PANX3: variants seen among roughly 807,000 people sequenced by gnomAD.
The protein encoded by PANX3 is pannexin 3.
A neutral mutation model predicts 31.5 loss-of-function variants in PANX3; 18 were observed. The ratio of observed to expected loss-of-function variants is 0.57; its 90% CI spans 0.39 to 0.85. The LOEUF (loss-of-function observed/expected upper bound fraction) is 0.85, where lower values mean the gene tolerates loss of function less well. Among genes scored for constraint, PANX3 ranks in the 40% least tolerant of loss-of-function variants. PANX3 has a pLI of 0.00. For missense variants in PANX3, 426 were observed against 485.4 expected, an observed-to-expected ratio of 0.88 and a Z score of 1.15; for synonymous variants, 194 against 201.6, an observed-to-expected ratio of 0.96 and a Z score of 0.32.
chr11:124,619,375 G>A lies in PANX3; in HGVS notation c.619G>A (p.Ala207Thr). ...TAAGCAGCGTTCACATTCGCTAGTG[G>A]CTACCTACCTCCTGAGGAACTCCCT... Reference protein sequence around the residue: ...ACKQRSHSLVATYLLRNSLLL... With the variant: ...ACKQRSHSLVTTYLLRNSLLL... The change falls in exon 4 of 4, where the codon GCT becomes ACT. Residue 207 changes from alanine to threonine, a missense_variant. Coordinates refer to ENST00000284288, the MANE Select transcript of PANX3 (RefSeq NM_052959.3). 6.2e-7 allele frequency: 1 copy of A among 1,614,142 alleles called. No homozygotes were observed.
chr11:124,619,841 T>C lies in PANX3; in HGVS notation c.1085T>C (p.Ile362Thr), dbSNP rs1863196846. The C allele has an allele frequency of 6.2e-7, 1 of 1,614,162 alleles. No homozygotes were observed. The highest frequency in any genetic ancestry group is 8.5e-7 in the Non-Finnish European group (1 of 1,180,040). ...GATACAACCACCCAGAAGCACAATA[T>C]TGACACAGTAGTTGATTTTATGACT... ...LKDTTTQKHN[I>T]DTVVDFMTLL... The change falls in exon 4 of 4, where the codon ATT becomes ACT. Residue 362 changes from isoleucine (I) to threonine (T), a missense_variant. Coordinates refer to ENST00000284288, the MANE Select transcript of PANX3 (RefSeq NM_052959.3).
chr11:124,618,589 T>C (rs1275353090), intron 3 of PANX3, among the ~76,000 whole-genome samples: 1 of 152,166 alleles, frequency 6.6e-6, no homozygotes, highest in African/African-American at 2.4e-5. Flanking sequence ...GATGAATGAA[T>C]TGTCCCAAAG....
Position 124,613,111 on chromosome 11 carries a change from T to C in PANX3, c.313T>C (p.Trp105Arg). The change falls in exon 2 of 4, where the codon TGG becomes CGG. Residue 105 changes from tryptophan to arginine, a missense_variant. Physicochemically the swap from Trp to Arg is moderately radical, Grantham distance 101. Transcript: ENST00000284288. ...TGGCCAGGACAAAATGAAATCTCTC[T>C]GGCCCCACAAGGTAAAGCAAACTCT... ...GPGQDKMKSLWPHKALPYSLL... is the reference protein window; with the variant it reads ...GPGQDKMKSLRPHKALPYSLL... The C allele has an allele frequency of 1.2e-6, 2 of 1,613,618 alleles. No homozygotes were observed. The highest frequency in any genetic ancestry group is 1.7e-6 in the Non-Finnish European group (2 of 1,179,958).
chr11:124,618,576 T>A (rs1863179076), intron 3 of PANX3, among the ~76,000 whole-genome samples: 4 of 152,038 alleles, frequency 2.6e-5, no homozygotes, highest in Admixed American at 2.6e-4. Flanking sequence ...ATTATTTACA[T>A]AAGATGAATG....
intron 3 of PANX3, among the ~76,000 whole-genome samples, chr11:124,618,565 A>G (rs996994692): frequency 1.3e-5 from 2 of 152,218 alleles, no homozygotes; most frequent in African/African-American, 4.8e-5. Flanking sequence ...TTGTGAGCCA[A>G]ATTATTTACA....
At chr11:124,618,230 T>G (rs1863175354) in intron 3 of PANX3, among the ~76,000 whole-genome samples, 3 of 152,182 alleles carry the variant, frequency 2.0e-5, no homozygotes, top group Admixed American at 6.5e-5. Flanking sequence ...AGGAGACAAT[T>G]GCGCTAACAT....
intron 2 of PANX3, among the ~76,000 whole-genome samples, chr11:124,617,055 C>T (rs1301228472): frequency 6.6e-6 from 1 of 152,036 alleles, no homozygotes; most frequent in East Asian, 1.9e-4. Context: ...GAAAAGTGAA[C>T]CAGGGGAGCA....
chr11:124,611,824 A>G lies in PANX3; in HGVS notation c.181+87A>G, dbSNP rs11219736. On this transcript the variant is annotated intron_variant, in intron 1 of 3. Transcript: ENST00000284288. ...GGCTCTGAAGTGAGATGGTGCGCAC[A>G]GTGACGGGATTCCATGGCTTCGGGC... 8.3e-3 allele frequency: 11,695 copies of G among 1,402,532 alleles called. 385 individuals are homozygous for G. In the East Asian group the frequency reaches 0.11, roughly 13 times the overall value. The allele number at this position is 1,402,532 out of a possible 1,614,324, so 86.9% of individuals were successfully genotyped here. A position where few individuals can be genotyped will look rare whatever the true frequency, so the allele number is the denominator to read the frequency against.
Position 124,620,050 on chromosome 11 carries a change from G to A in PANX3, c.*115G>A. The A allele has an allele frequency of 2.8e-6, 3 of 1,083,294 alleles. No individual in the cohort carries two copies. In the South Asian group the frequency reaches 5.1e-5, roughly 18 times the overall value. 67.1% of individuals were successfully genotyped at this position (1,083,294 alleles called of 1,614,324 possible). On this transcript the variant is annotated 3_prime_UTR_variant, in exon 4 of 4. Coordinates refer to ENST00000284288, the MANE Select transcript of PANX3 (RefSeq NM_052959.3). Reference sequence around the variant, plus strand: ...TACACATTTTAAAACTGCTAAGCTTGGATTTAACTGAATCATATATCTTTT... The same window carrying A: ...TACACATTTTAAAACTGCTAAGCTTAGATTTAACTGAATCATATATCTTTT...
chr11:124,617,708 T>C (rs1863170209), intron 3 of PANX3, among the ~76,000 whole-genome samples: 2 of 152,220 alleles, frequency 1.3e-5, no homozygotes, highest in Non-Finnish European at 2.9e-5. Flanking sequence ...AAGGGATTCA[T>C]CTGTCTAGAA....
chr11:124,618,233 G>A (rs773534066), intron 3 of PANX3, among the ~76,000 whole-genome samples: 1 of 152,128 alleles, frequency 6.6e-6, no homozygotes, highest in South Asian at 2.1e-4. Context: ...AGACAATTGC[G>A]CTAACATTTG....
At chr11:124,612,430 G>T (rs930157592) in intron 1 of PANX3, among the ~76,000 whole-genome samples, 1 of 152,254 alleles carries the variant, frequency 6.6e-6, no homozygotes, top group East Asian at 1.9e-4. Flanking sequence ...CCAAACAGGT[G>T]TGCCAGCCTC....
At chr11:124,617,541 A>G in intron 3 of PANX3, 53 bp downstream of exon 3, 1 of 1,545,268 alleles carries the variant, frequency 6.5e-7, no homozygotes. Flanking sequence ...CATTAAAATG[A>G]TAACTTTGCA....
Position 124,620,064 on chromosome 11 carries a change from C to A in PANX3, c.*129C>A. 1 of 985,684 alleles carries A rather than the reference C, an allele frequency of 1.0e-6. No individual in the cohort carries two copies. Among genetic ancestry groups the A allele is most frequent in the Non-Finnish European group, 1.5e-6 (1 of 678,432 alleles). The allele number at this position is 985,684 out of a possible 1,614,324, so 61.1% of individuals were successfully genotyped here. ...CTGCTAAGCTTGGATTTAACTGAAT[C>A]ATATATCTTTTATCATGTTATCCTA... On this transcript the variant is annotated 3_prime_UTR_variant, in exon 4 of 4. Coordinates refer to ENST00000284288, the MANE Select transcript of PANX3 (RefSeq NM_052959.3).
intron 3 of PANX3, among the ~76,000 whole-genome samples, chr11:124,619,021 T>G (rs900357544): frequency 6.6e-6 from 1 of 152,166 alleles, no homozygotes; most frequent in Non-Finnish European, 1.5e-5. Flanking sequence ...GCTTAGAACT[T>G]TAGTCCGCCT....
At chr11:124,613,769 G>A (rs1863120560) in intron 2 of PANX3, among the ~76,000 whole-genome samples, 1 of 152,088 alleles carries the variant, frequency 6.6e-6, no homozygotes, top group African/African-American at 2.4e-5. Flanking sequence ...CTGCACTCTT[G>A]TTTTCAGAAG....
intron 2 of PANX3, among the ~76,000 whole-genome samples, chr11:124,613,712 G>A (rs866537528): frequency 1.2e-4 from 18 of 152,102 alleles, no homozygotes; most frequent in South Asian, 6.2e-4. Context: ...TCTGCGGGCT[G>A]CTTCTCACAC....
chr11:124,611,650 C>T lies in PANX3; in HGVS notation c.94C>T (p.Leu32=). The T allele has an allele frequency of 6.2e-7, 1 of 1,614,210 alleles. No homozygotes were observed. Among genetic ancestry groups the T allele is most frequent in the South Asian group, 1.1e-5 (1 of 91,086 alleles). Residue 32 remains leucine (L), a synonymous_variant, in exon 1 of 4, where the codon CTG becomes TTG. Coordinates refer to ENST00000284288, the MANE Select transcript of PANX3 (RefSeq NM_052959.3). The stretch of plus-strand genomic sequence containing the variant: ...CCGCCTCAAAGGACTGCGTCTGGAA[C>T]TGCCCCTGGACCGGATAGTCAAGTT... The part of the protein sequence containing the change: ...GPRLKGLRLE[L]PLDRIVKFVA...
At chr11:124,612,832 A>G in intron 1 of PANX3, 148 bp from the exon 2 acceptor site, 1 of 932,556 alleles carries the variant, frequency 1.1e-6, no homozygotes, top group Non-Finnish European at 1.6e-6. Flanking sequence ...CTACCGTGAC[A>G]TGGCAGTGCT....
Sources: gnomAD v4.1 joint callset for allele counts (sites outside exome capture counted in the v4.1 genomes callset) on GRCh38, gnomAD v4.1.1 for gene constraint, MANE v1.5 for transcripts, NCBI Gene and HGNC (gene_info 2026-07-23, HGNC 2026-07-21) for gene names.